The following SLC14A2 variants were observed in gnomAD, a reference collection of about 807,000 sequenced individuals.
SLC14A2 encodes the protein solute carrier family 14 member 2.
SLC14A2 carries 91 observed loss-of-function variants against 104.6 expected under a neutral mutation model. The observed-to-expected ratio is 0.87, with a 90% CI of 0.73 to 1.04. The LOEUF is 1.04. SLC14A2 is among the 50% of genes least tolerant of loss of function. The pLI is 0.00. For synonymous variants in SLC14A2, 476 were observed against 466.4 expected (o/e 1.02, Z -0.27); for missense variants, 1,189 against 1,156.0 (o/e 1.03, Z -0.41).
At chr18:45,425,085 C>T (rs535435992) in intron 1 of SLC14A2, among the ~76,000 whole-genome samples, 2 of 152,286 alleles carry the variant, frequency 1.3e-5, no homozygotes, top group African/African-American at 4.8e-5. Context: ...CTCAATGTGT[C>T]TTGACTGCAC....
chr18:45,382,857 G>A (rs2085853835), intron 1 of SLC14A2, among the ~76,000 whole-genome samples: 1 of 152,230 alleles, frequency 6.6e-6, no homozygotes, highest in African/African-American at 2.4e-5. Context: ...GGGAGAGGAA[G>A]AGTTTACTTT....
At chr18:45,679,055 C>T in intron 19 of SLC14A2, 31 bp downstream of exon 19, 1 of 1,605,312 alleles carries the variant, frequency 6.2e-7, no homozygotes. Context: ...AACGTGCCTA[C>T]AACATCCTTC....
At chr18:45,558,672 C>T (rs1010214472) in intron 2 of SLC14A2, among the ~76,000 whole-genome samples, 2 of 152,188 alleles carry the variant, frequency 1.3e-5, no homozygotes, top group Non-Finnish European at 2.9e-5. Context: ...TTAGTGCTTG[C>T]ACCTTGGAGA....
At chr18:45,472,327 C>T (rs2087265942) in intron 1 of SLC14A2, among the ~76,000 whole-genome samples, 1 of 152,170 alleles carries the variant, frequency 6.6e-6, no homozygotes, top group South Asian at 2.1e-4. Flanking sequence ...GATAGTGCTG[C>T]AGTAAATACA....
upstream of SLC14A2, among the ~76,000 whole-genome samples, chr18:45,210,192 T>C (rs553108223): frequency 3.3e-4 from 50 of 152,298 alleles, 1 homozygote; most frequent in South Asian, 0.01. Flanking sequence ...TACCCATAGA[T>C]TGAAGTTGGT....
chr18:45,357,712 T>C (rs1046552006), intron 1 of SLC14A2, among the ~76,000 whole-genome samples: 11 of 152,082 alleles, frequency 7.2e-5, no homozygotes, highest in Admixed American at 6.5e-5. Flanking sequence ...AGGCCTGAGA[T>C]GAGCCATCCC....
At chr18:45,601,140 C>T (rs1412787955) in intron 2 of SLC14A2, among the ~76,000 whole-genome samples, 1 of 152,216 alleles carries the variant, frequency 6.6e-6, no homozygotes, top group Non-Finnish European at 1.5e-5. Context: ...TGCTGCACCA[C>T]ATGGTATGGT....
chr18:45,247,287 T>A (rs2084376011), intron 1 of SLC14A2, among the ~76,000 whole-genome samples: 1 of 152,248 alleles, frequency 6.6e-6, no homozygotes, highest in Admixed American at 6.5e-5. Context: ...AATTGATTTA[T>A]ACACATTTTC....
chr18:45,668,336 C>A lies in SLC14A2; in HGVS notation c.1908-13C>A. The A allele has an allele frequency of 6.2e-7, 1 of 1,613,830 alleles. No individual in the cohort carries two copies. The highest frequency in any genetic ancestry group is 2.2e-5 in the East Asian group (1 of 44,878). ...GAAGCCCCTGCTCCACCTGACCCTC[C>A]CTCTCCTGCCAGGTCGGCCATCGCT... is the stretch of plus-strand genomic sequence containing the variant. On this transcript the variant is annotated splice_polypyrimidine_tract_variant and intron_variant, in intron 14 of 19. Transcript: ENST00000255226.
Position 45,307,127 on chromosome 18 carries a change from C to T in SLC14A2, c.-125+93936C>T, listed in dbSNP as rs536007945. ...ATTCAGAAAACCCACCTAGAAAAGA[C>T]TAACCTTGGCCGGGCGTGGTGGCTC... On this transcript the variant is annotated intron_variant, in intron 1 of 20. Coordinates refer to the SLC14A2 transcript ENST00000586448. Among the ~76,000 whole-genome samples, 106 of 152,220 alleles carry T rather than the reference C, an allele frequency of 7.0e-4. 1 individual carries two copies. Among genetic ancestry groups the T allele is most frequent in the African/African-American group, 2.5e-3 (103 of 41,536 alleles).
intron 1 of SLC14A2, among the ~76,000 whole-genome samples, chr18:45,355,578 A>AAAAAAC (rs2085545320): frequency 1.8e-5 from 1 of 56,302 alleles, no homozygotes; most frequent in African/African-American, 1.4e-4. Context: ...ACTCTGTCTC[A>AAAAAAC]AAAAAAAAAA....
At chr18:45,308,868 G>A (rs1038095185) in intron 1 of SLC14A2, among the ~76,000 whole-genome samples, 6 of 152,184 alleles carry the variant, frequency 3.9e-5, no homozygotes, top group African/African-American at 1.2e-4. Flanking sequence ...ATCAGTTCTT[G>A]ACATCATTTG....
At chr18:45,536,320 G>T (rs1459807641) in intron 2 of SLC14A2, among the ~76,000 whole-genome samples, 1 of 152,190 alleles carries the variant, frequency 6.6e-6, no homozygotes, top group Non-Finnish European at 1.5e-5. Flanking sequence ...CAAACTAGGT[G>T]GCTTAAAACA....
intron 1 of SLC14A2, among the ~76,000 whole-genome samples, chr18:45,465,112 T>C (rs2087116230): frequency 1.3e-5 from 2 of 151,814 alleles, no homozygotes; most frequent in South Asian, 2.1e-4. Flanking sequence ...AGGTACCAGC[T>C]AAAGAGAGAA....
intron 1 of SLC14A2, among the ~76,000 whole-genome samples, chr18:45,262,977 A>T (rs532945040): frequency 2.0e-5 from 3 of 152,248 alleles, no homozygotes; most frequent in Non-Finnish European, 4.4e-5. Flanking sequence ...TTGCACACAC[A>T]TAACACAAAT....
chr18:45,587,157 T>C (rs2044577803), intron 2 of SLC14A2, among the ~76,000 whole-genome samples: 1 of 152,114 alleles, frequency 6.6e-6, no homozygotes, highest in Non-Finnish European at 1.5e-5. Context: ...GTATTTTTAG[T>C]AGAGACACGG....
chr18:45,519,797 G>A (rs2043491333), intron 2 of SLC14A2, among the ~76,000 whole-genome samples: 1 of 152,218 alleles, frequency 6.6e-6, no homozygotes. Flanking sequence ...ATCCCCTGGA[G>A]CCTGTGGTTT....
At chr18:45,376,060 AC>A (rs11306814) in intron 1 of SLC14A2, among the ~76,000 whole-genome samples, 152,268 of 152,268 alleles carry the variant, frequency 1, 76,134 homozygotes, top group Non-Finnish European at 1. Context: ...GTTGGGCCAC[AC>A]CCCCGACATG....
At chr18:45,433,082 C>G (rs2086542185) in intron 1 of SLC14A2, among the ~76,000 whole-genome samples, 1 of 152,094 alleles carries the variant, frequency 6.6e-6, no homozygotes, top group Non-Finnish European at 1.5e-5. Context: ...TTCCTCAAAA[C>G]AATTATCTAC....
Sources: allele counts gnomAD v4.1 joint callset (sites outside exome capture counted in the v4.1 genomes callset), GRCh38; gene constraint gnomAD v4.1.1; transcripts MANE v1.5; gene names NCBI Gene and HGNC (gene_info 2026-07-23, HGNC 2026-07-21).